NOTCH1: variants seen among roughly 807,000 people sequenced by gnomAD.
The protein encoded by NOTCH1 is neurogenic locus notch homolog protein 1.
Under a neutral mutation model 254.8 loss-of-function variants are expected in NOTCH1, and 37 were observed. The observed-to-expected ratio is 0.15, with a 90% CI of 0.11 to 0.19. The LOEUF is 0.19. Ranked by LOEUF, NOTCH1 falls within the 10% of genes least tolerant of loss-of-function variation. The pLI, the probability that NOTCH1 is intolerant of heterozygous loss-of-function variation, is 1.00. For missense variants in NOTCH1, 2,972 were observed against 3,708.6 expected, an observed-to-expected ratio of 0.80 and a Z score of 5.16; for synonymous variants, 1,731 against 1,618.1, an observed-to-expected ratio of 1.07 and a Z score of -1.68.
At chr9:136,515,197 C>T in intron 12 of NOTCH1, 93 bp downstream of exon 12, 3 of 1,222,308 alleles carry the variant, frequency 2.5e-6, no homozygotes, top group South Asian at 1.2e-5. Flanking sequence ...AGCACCAAAG[C>T]CCTCACCCAA....
chr9:136,496,878 G>A lies in NOTCH1; in HGVS notation c.6861C>T (p.Gly2287=), dbSNP rs1300070816. The A allele has an allele frequency of 1.9e-6, 3 of 1,612,914 alleles. No homozygotes were observed. Among genetic ancestry groups the A allele is most frequent in the Admixed American group, 1.7e-5 (1 of 60,032 alleles). The change falls in exon 34 of 34, where the codon GGC becomes GGT. Residue 2287 remains glycine (G), a synonymous_variant. Coordinates refer to ENST00000651671, the MANE Select transcript of NOTCH1 (RefSeq NM_017617.5). The stretch of plus-strand genomic sequence containing the variant: ...AATTCAGGGCCCCTCCGCTGCTGGA[G>A]CCCAGGACGGTGCTGGTGCCAGAGG... ...PVASGTSTVL[G]SSSGGALNFT...
chr9:136,516,180 C>T (rs997793812), intron 9 of NOTCH1, 86 bp from the exon 10 acceptor site: 12 of 1,057,834 alleles, frequency 1.1e-5, no homozygotes, highest in African/African-American at 6.2e-5. Context: ...CAGCAGTGAG[C>T]GCCTGGCTGG....
chr9:136,539,956 T>A (rs1843708034), intron 2 of NOTCH1, among the ~76,000 whole-genome samples: 6 of 152,174 alleles, frequency 3.9e-5, no homozygotes, highest in Admixed American at 3.9e-4. Context: ...AGTCGGGAAA[T>A]GACGGGGCAG....
Position 136,515,311 on chromosome 9 carries a change from C to T in NOTCH1, c.1993G>A (p.Ala665Thr), listed in dbSNP as rs1159365296. ...CLDKIDGYEC[A>T]CEPGYTGSMC... ...TCACCTGTGTAGCCCGGCTCACAGG[C>T]ACACTCGTAGCCATCGATCTTGTCC... is the stretch of plus-strand genomic sequence containing the variant. Residue 665 changes from alanine to threonine, a missense_variant, in exon 12 of 34, where the codon GCC becomes ACC. Coordinates refer to ENST00000651671, the MANE Select transcript of NOTCH1 (RefSeq NM_017617.5). The T allele has an allele frequency of 1.9e-6, 3 of 1,612,760 alleles. No individual in the cohort carries two copies. In the South Asian group the frequency reaches 3.3e-5, roughly 18 times the overall value.
At position 136,522,965 on chromosome 9, in the gene NOTCH1, G is replaced by A. The variant is rs1355456375; in HGVS notation, c.627C>T (p.Thr209=). Residue 209 remains threonine (T), a synonymous_variant, in exon 4 of 34, where the codon ACC becomes ACT. Coordinates refer to ENST00000651671, the MANE Select transcript of NOTCH1 (RefSeq NM_017617.5). ...GCCGCTCGCAGTTGGGGCCAGTGTG[G>A]GTGGCGCGGCAGACGCAGCGGTAGG... is the stretch of plus-strand genomic sequence containing the variant. ...VGSYRCVCRA[T]HTGPNCERPY... 6.4e-7 allele frequency: 1 copy of A among 1,558,420 alleles called. No homozygotes were observed. Among genetic ancestry groups the A allele is most frequent in the South Asian group, 1.2e-5 (1 of 84,852 alleles).
At chr9:136,510,148 T>C (rs898894963) in intron 17 of NOTCH1, among the ~76,000 whole-genome samples, 187 bp from the exon 18 acceptor site, 1 of 152,196 alleles carries the variant, frequency 6.6e-6, no homozygotes, top group Non-Finnish European at 1.5e-5. Flanking sequence ...ACCCGTCTCC[T>C]GTGCTTGGGG....
chr9:136,544,524 G>T (rs895265900), intron 1 of NOTCH1, among the ~76,000 whole-genome samples: 1 of 152,112 alleles, frequency 6.6e-6, no homozygotes, highest in African/African-American at 2.4e-5. Context: ...GATTGCCTCT[G>T]TTCAAACCCG....
At chr9:136,519,034 G>A (rs1476424449) in intron 5 of NOTCH1, among the ~76,000 whole-genome samples, 1 of 152,184 alleles carries the variant, frequency 6.6e-6, no homozygotes, top group East Asian at 1.9e-4. Flanking sequence ...CTGCTGCGTC[G>A]GGGTGCACCT....
chr9:136,501,069 C>T (rs1478033706), intron 30 of NOTCH1, among the ~76,000 whole-genome samples: 1 of 152,212 alleles, frequency 6.6e-6, no homozygotes, highest in East Asian at 1.9e-4. Flanking sequence ...GCAACTGCTT[C>T]CTGACCTGCC....
Position 136,509,964 on chromosome 9 carries a change from G to C in NOTCH1, c.2741-3C>G. On this transcript the variant is annotated splice_region_variant and splice_polypyrimidine_tract_variant and intron_variant, in intron 17 of 33. Transcript: ENST00000651671. ...GGAGCCCCCGTTGTGACACGGGTCT[G>C]GGAGAGGACGGAAGGGTGAGTGTGA... 6.2e-7 allele frequency: 1 copy of C among 1,612,470 alleles called. No homozygotes were observed. Among genetic ancestry groups the C allele is most frequent in the Non-Finnish European group, 8.5e-7 (1 of 1,179,786 alleles).
intron 4 of NOTCH1, among the ~76,000 whole-genome samples, chr9:136,521,872 C>G (rs1465471974): frequency 6.6e-6 from 1 of 152,164 alleles, no homozygotes; most frequent in East Asian, 1.9e-4. Context: ...TCAGCCAGGA[C>G]CCTGTGCACC....
chr9:136,501,992 G>A lies in NOTCH1; in HGVS notation c.5472+9C>T, dbSNP rs200788026. 1.8e-5 allele frequency: 29 copies of A among 1,612,560 alleles called. No homozygotes were observed. The African/African-American group carries it at 2.8e-4, about 16-fold the overall frequency. ...GGGAGCCCAGGAGCCCGGGAGCCTC[G>A]CGACTCACCCGGAACTTCTTGGTCT... is the stretch of plus-strand genomic sequence containing the variant. On this transcript the variant is annotated intron_variant, in intron 29 of 33. Transcript: ENST00000651671.
chr9:136,511,043 C>A, intron 16 of NOTCH1, 109 bp downstream of exon 16: 1 of 1,541,358 alleles, frequency 6.5e-7, no homozygotes, highest in Admixed American at 1.7e-5. Flanking sequence ...CTCCTCAGCA[C>A]CCACCAGCTC....
intron 2 of NOTCH1, among the ~76,000 whole-genome samples, chr9:136,536,356 T>C (rs1488464491): frequency 6.6e-6 from 1 of 152,156 alleles, no homozygotes; most frequent in Admixed American, 6.5e-5. Flanking sequence ...GCCAGGTTCC[T>C]AGCTCTCTCC....
chr9:136,507,107 C>T, intron 22 of NOTCH1, 134 bp from the exon 23 acceptor site: 1 of 1,461,718 alleles, frequency 6.8e-7, no homozygotes, highest in Non-Finnish European at 9.4e-7. Context: ...GTCAAGGGTG[C>T]CGTGGAGACG....
intron 31 of NOTCH1, among the ~76,000 whole-genome samples, chr9:136,499,595 C>G (rs1483290947): frequency 1.3e-5 from 2 of 152,236 alleles, no homozygotes. Context: ...ACGGCGGTTA[C>G]AGCTGGCACT....
At chr9:136,528,203 T>TG (rs1564206485) in intron 2 of NOTCH1, among the ~76,000 whole-genome samples, 2 of 124,550 alleles carry the variant, frequency 1.6e-5, no homozygotes, top group Non-Finnish European at 3.4e-5. Flanking sequence ...GGGCCAGGGA[T>TG]GGGGGCACAG....
rs763472606 is a variant in NOTCH1, at chr9:136,511,198, G to A, written c.2541C>T (p.Ser847=). Residue 847 remains serine, a synonymous_variant, in exon 16 of 34, where the codon TCC becomes TCT. Coordinates refer to ENST00000651671, the MANE Select transcript of NOTCH1 (RefSeq NM_017617.5). The stretch of plus-strand genomic sequence containing the variant: ...CACAGGAGAAGCTCTCATAGTCCTC[G>A]GATTGCCTGCACTCCCCGCCGTTTC... The part of the protein sequence containing the change: ...PCRNGGECRQ[S]EDYESFSCVC... 109 of 1,612,660 alleles carry A rather than the reference G, an allele frequency of 6.8e-5. No homozygotes were observed. Among genetic ancestry groups the A allele is most frequent in the Non-Finnish European group, 8.6e-5 (101 of 1,179,984 alleles).
chr9:136,527,514 G>A (rs1204698223), intron 2 of NOTCH1, among the ~76,000 whole-genome samples: 9 of 152,210 alleles, frequency 5.9e-5, no homozygotes, highest in African/African-American at 1.4e-4. Context: ...ACCTTCCACC[G>A]TCCCCGCATC....
Sources: allele counts gnomAD v4.1 joint callset (sites outside exome capture counted in the v4.1 genomes callset), GRCh38; gene constraint gnomAD v4.1.1; transcripts MANE v1.5; gene names NCBI Gene and HGNC (gene_info 2026-07-23, HGNC 2026-07-21).